SYT1: variants seen among roughly 807,000 people sequenced by gnomAD.
SYT1 encodes the protein synaptotagmin-1.
A neutral mutation model predicts 44.8 loss-of-function variants in SYT1; 8 were observed. The observed-to-expected ratio is 0.18, with a 90% CI of 0.10 to 0.32. The LOEUF is 0.32. Ranked by LOEUF, SYT1 falls within the 10% of genes least tolerant of loss-of-function variation. The pLI, the probability that SYT1 is intolerant of heterozygous loss-of-function variation, is 1.00. For synonymous variants in SYT1, 154 were observed against 188.8 expected (o/e 0.82, Z 1.51); for missense variants, 286 against 509.3 (o/e 0.56, Z 4.22).
chr12:79,392,818 GTTATAC>G (rs905336427), intron 9 of SYT1: 1 of 67,484 alleles, frequency 1.5e-5, no homozygotes, highest in Non-Finnish European at 3.1e-5. Context: ...TTTTTTTTTA[GTTATAC>G]TTTAAGTTCT....
chr12:79,443,966 T>TGC, intron 9 of SYT1, 107 bp from the exon 10 acceptor site: 1 of 1,152,538 alleles, frequency 8.7e-7, no homozygotes, highest in Non-Finnish European at 1.2e-6. Context: ...ATTAAATACA[T>TGC]GCTATATAAT....
intron 1 of SYT1, among the ~76,000 whole-genome samples, chr12:78,972,078 T>C (rs1183871645): frequency 6.6e-6 from 1 of 152,162 alleles, no homozygotes; most frequent in Non-Finnish European, 1.5e-5. Context: ...AATCATTTAA[T>C]TGTAAATGAT....
At chr12:78,998,354 A>G (rs1870513245) in intron 2 of SYT1, among the ~76,000 whole-genome samples, 1 of 152,124 alleles carries the variant, frequency 6.6e-6, no homozygotes, top group African/African-American at 2.4e-5. Context: ...AGATAACCCT[A>G]AATATGTGAA....
chr12:79,427,396 A>C (rs951524460), intron 9 of SYT1, among the ~76,000 whole-genome samples: 3 of 152,228 alleles, frequency 2.0e-5, no homozygotes, highest in Non-Finnish European at 2.9e-5. Context: ...CAACATGCTA[A>C]GAGAATAAAC....
chr12:78,879,536 T>G (rs534475016), intron 1 of SYT1, among the ~76,000 whole-genome samples: 1 of 151,936 alleles, frequency 6.6e-6, no homozygotes, highest in South Asian at 2.1e-4. Flanking sequence ...TCTTGGTGAA[T>G]GATTGCACCA....
At chr12:79,361,410 C>T (rs2094050145) in intron 9 of SYT1, among the ~76,000 whole-genome samples, 1 of 152,136 alleles carries the variant, frequency 6.6e-6, no homozygotes, top group Admixed American at 6.5e-5. Flanking sequence ...TGTCTAGGTC[C>T]TTATCATTGC....
chr12:79,071,014 C>T (rs532313262), intron 3 of SYT1, among the ~76,000 whole-genome samples: 1 of 152,232 alleles, frequency 6.6e-6, no homozygotes, highest in Non-Finnish European at 1.5e-5. Flanking sequence ...AACCTCGGTT[C>T]CCCTCTAAAC....
chr12:79,023,827 T>A (rs991584616), intron 2 of SYT1, among the ~76,000 whole-genome samples: 10 of 151,620 alleles, frequency 6.6e-5, no homozygotes, highest in African/African-American at 2.4e-4. Flanking sequence ...TCATCACACA[T>A]CCACTTTTGT....
intron 3 of SYT1, among the ~76,000 whole-genome samples, chr12:79,110,221 T>C (rs1186169799): frequency 6.6e-6 from 1 of 152,040 alleles, no homozygotes; most frequent in East Asian, 1.9e-4. Flanking sequence ...ACACAAGGAA[T>C]AGCTAGAGAT....
intron 4 of SYT1, among the ~76,000 whole-genome samples, chr12:79,241,650 G>A (rs1027544676): frequency 2.6e-5 from 4 of 152,076 alleles, no homozygotes; most frequent in African/African-American, 4.8e-5. Context: ...ATTGGTGTTG[G>A]TGAAAACAGA....
intron 9 of SYT1, among the ~76,000 whole-genome samples, chr12:79,428,173 C>T (rs769542514): frequency 6.6e-6 from 1 of 152,156 alleles, no homozygotes; most frequent in Non-Finnish European, 1.5e-5. Context: ...CTGGATGGTA[C>T]AGTGCCTGGT....
intron 3 of SYT1, among the ~76,000 whole-genome samples, chr12:79,160,054 C>T (rs1178116743): frequency 3.3e-5 from 5 of 151,784 alleles, no homozygotes; most frequent in South Asian, 2.1e-4. Flanking sequence ...GAATAAATGG[C>T]GGTTGTGATT....
chr12:79,194,730 G>A (rs1526971), intron 3 of SYT1, among the ~76,000 whole-genome samples: 107,455 of 151,916 alleles, frequency 0.71, 38,495 homozygotes, highest in African/African-American at 0.77. Context: ...GTGTGTGTGT[G>A]TTTAAATGCC....
chr12:79,185,153 C>T (rs1872735101), intron 3 of SYT1, among the ~76,000 whole-genome samples: 2 of 152,198 alleles, frequency 1.3e-5, no homozygotes, highest in Admixed American at 6.6e-5. Context: ...TTTACAGATT[C>T]TGTGAATTTC....
At chr12:79,353,106 T>C (rs1003551812) in intron 8 of SYT1, among the ~76,000 whole-genome samples, 2 of 152,200 alleles carry the variant, frequency 1.3e-5, no homozygotes, top group African/African-American at 4.8e-5. Context: ...TTAGGTCGAT[T>C]GATTCAACTA....
intron 9 of SYT1, among the ~76,000 whole-genome samples, chr12:79,358,363 A>G (rs77849467): frequency 2.8e-3 from 423 of 152,306 alleles, no homozygotes; most frequent in African/African-American, 9.8e-3. Flanking sequence ...TAACTGTTAA[A>G]AAGTCACATT....
At chr12:79,348,286 T>A (rs939016399) in intron 8 of SYT1, among the ~76,000 whole-genome samples, 5 of 152,122 alleles carry the variant, frequency 3.3e-5, no homozygotes, top group Middle Eastern at 3.4e-3. Context: ...ATTACAGAGG[T>A]CTAGGTCAGA....
At chr12:79,012,426 A>G (rs554543233) in intron 2 of SYT1, among the ~76,000 whole-genome samples, 2 of 152,166 alleles carry the variant, frequency 1.3e-5, no homozygotes, top group South Asian at 4.1e-4. Flanking sequence ...TTTTGACCAT[A>G]CATAGCACAA....
At chr12:79,115,751 T>G (rs1023342307) in intron 3 of SYT1, among the ~76,000 whole-genome samples, 2 of 152,226 alleles carry the variant, frequency 1.3e-5, no homozygotes, top group African/African-American at 2.4e-5. Context: ...ATCAGGGCAA[T>G]GCCAGATATC....
Sources: allele counts gnomAD v4.1 joint callset (sites outside exome capture counted in the v4.1 genomes callset), GRCh38; gene constraint gnomAD v4.1.1; transcripts MANE v1.5; gene names NCBI Gene and HGNC (gene_info 2026-07-23, HGNC 2026-07-21).